The following AGAP1 variants were observed in gnomAD, a reference collection of about 807,000 sequenced individuals.
The protein encoded by AGAP1 is arf-GAP with GTPase, ANK repeat and PH domain-containing protein 1.
AGAP1 carries 29 observed loss-of-function variants against 105.3 expected under a neutral mutation model. That is an observed-to-expected ratio of 0.28 (90% CI 0.21 to 0.38). AGAP1 has a LOEUF of 0.38. Among genes scored for constraint, AGAP1 ranks in the 10% least tolerant of loss-of-function variants. AGAP1 has a pLI of 1.00. For synonymous variants in AGAP1, 509 were observed against 485.9 expected (o/e 1.05, Z -0.63); for missense variants, 998 against 1,165.1 (o/e 0.86, Z 2.09).
rs909636951 is a variant in AGAP1, at chr2:235,788,582, G to T, written c.674-9177G>T. On this transcript the variant is annotated intron_variant, in intron 6 of 17. Coordinates refer to ENST00000304032, the MANE Select transcript of AGAP1 (RefSeq NM_001037131.3). This position sits in a 1 kb window ranked among gnomAD's most constrained non-coding sequence, Gnocchi z 6.0. ...GGGAGGGTAGGTGAGGCCGGGCAAG[G>T]AGAGGAGTGGGAGGGTCCATCGGTG... is the stretch of plus-strand genomic sequence containing the variant. Among the ~76,000 whole-genome samples the T allele has an allele frequency of 6.6e-6, 1 of 152,026 alleles. No individual in the cohort carries two copies. Among genetic ancestry groups the T allele is most frequent in the Non-Finnish European group, 1.5e-5 (1 of 68,002 alleles).
rs868240503 is a variant in AGAP1 at position 235,686,627 on chromosome 2, A to C, written c.164-22552A>C. On this transcript the variant is annotated intron_variant, in intron 1 of 17. Transcript: ENST00000304032. ...TATATACGTGGAGATATAGATATAT[A>C]TATATATATATATATATAGATATAT... Among the ~76,000 whole-genome samples the C allele has an allele frequency of 1.3e-4, 5 of 38,146 alleles. 1 individual carries two copies. The East Asian group carries it at 3.1e-3, about 24-fold the overall frequency. 25.0% of individuals were successfully genotyped at this position (38,146 alleles called of 152,430 possible).
intron 16 of AGAP1, among the ~76,000 whole-genome samples, chr2:236,110,040 G>A (rs369418483): frequency 6.6e-6 from 1 of 152,234 alleles, no homozygotes; most frequent in Non-Finnish European, 1.5e-5. Flanking sequence ...TCAGATCCCT[G>A]AGCAAGAGGT....
At chr2:236,004,341 C>T (rs1272881372) in intron 13 of AGAP1, among the ~76,000 whole-genome samples, 1 of 152,136 alleles carries the variant, frequency 6.6e-6, no homozygotes, top group Non-Finnish European at 1.5e-5. Context: ...TTTTAGTGTG[C>T]TGATTAGAAA....
At chr2:235,929,549 C>T (rs934264363) in intron 11 of AGAP1, among the ~76,000 whole-genome samples, 14 of 152,170 alleles carry the variant, frequency 9.2e-5, no homozygotes, top group African/African-American at 2.2e-4. Context: ...CCAAACGCCT[C>T]GTCGTTTGTT....
At chr2:235,581,044 G>A (rs1390569856) in intron 1 of AGAP1, among the ~76,000 whole-genome samples, 2 of 149,906 alleles carry the variant, frequency 1.3e-5, no homozygotes, top group Non-Finnish European at 2.9e-5. Flanking sequence ...TTAAGAAACA[G>A]AGACTGCTTT....
intron 7 of AGAP1, among the ~76,000 whole-genome samples, chr2:235,798,852 C>CA (rs1238634679): frequency 8.4e-6 from 1 of 119,582 alleles, no homozygotes; most frequent in African/African-American, 3.3e-5. Flanking sequence ...GCCTGGGTGA[C>CA]AGAGTGAGAC....
chr2:235,646,812 G>C (rs569334617), intron 1 of AGAP1, among the ~76,000 whole-genome samples: 2 of 152,174 alleles, frequency 1.3e-5, no homozygotes, highest in Non-Finnish European at 2.9e-5. Flanking sequence ...GAGGGGCCGG[G>C]CTCCAAGCAA....
In AGAP1 at chr2:235,535,529, T is replaced by C. The variant is rs1321158623; in HGVS notation, c.163+40680T>C. On this transcript the variant is annotated intron_variant, in intron 1 of 17. Transcript: ENST00000304032. This position sits in a 1 kb window ranked among gnomAD's most constrained non-coding sequence, Gnocchi z 5.1. ...AAAACATGAAATGAAATCCGTGTCC[T>C]CTTTATCCTCCCCTCTCTCTGTTCT... 6.6e-6 allele frequency among the ~76,000 whole-genome samples: 1 copy of C among 150,696 alleles called. No homozygotes were observed. The highest frequency in any genetic ancestry group is 1.5e-5 in the Non-Finnish European group (1 of 67,842).
At chr2:236,026,998 G>A (rs764829269) in intron 13 of AGAP1, among the ~76,000 whole-genome samples, 160 of 152,306 alleles carry the variant, frequency 1.1e-3, no homozygotes, top group Non-Finnish European at 1.9e-3. Flanking sequence ...AAAAATGGCT[G>A]TAAAGTCCTG....
Position 235,656,096 on chromosome 2 carries a change from GC to G in AGAP1, c.164-53078del, listed in dbSNP as rs565113844. ...GTTCTCCTTCACCAGGAAGACTGCAGCCCCCATTCTGATTGGCCTCAGGGGG... is the reference window on the plus strand; with the variant it reads ...GTTCTCCTTCACCAGGAAGACTGCAGCCCCATTCTGATTGGCCTCAGGGGG... On this transcript the variant is annotated intron_variant, in intron 1 of 17. Transcript: ENST00000304032. Among the ~76,000 whole-genome samples the G allele has an allele frequency of 3.3e-3, 508 of 152,340 alleles. 3 individuals are homozygous for G. Among genetic ancestry groups the G allele is most frequent in the Non-Finnish European group, 5.9e-3 (400 of 68,032 alleles).
intron 1 of AGAP1, among the ~76,000 whole-genome samples, chr2:235,649,326 C>G (rs1947501770): frequency 6.6e-6 from 1 of 152,174 alleles, no homozygotes; most frequent in Non-Finnish European, 1.5e-5. Context: ...CAAGAGATTT[C>G]AATTCCGTGG....
At chr2:235,613,005 A>T (rs937283791) in intron 1 of AGAP1, among the ~76,000 whole-genome samples, 4 of 151,610 alleles carry the variant, frequency 2.6e-5, no homozygotes, top group Admixed American at 1.3e-4. Flanking sequence ...TTGTAACAAG[A>T]GAATTTTGCA....
In AGAP1 at chr2:235,583,519, T is replaced by C. The variant is rs185853387; in HGVS notation, c.163+88670T>C. On this transcript the variant is annotated intron_variant, in intron 1 of 17. Coordinates refer to ENST00000304032, the MANE Select transcript of AGAP1 (RefSeq NM_001037131.3). ...CCTCATACTCAGCCTCTCGTGTAAC[T>C]GGGACCACAAGCATGCACCACCATA... Among the ~76,000 whole-genome samples the C allele has an allele frequency of 7.0e-3, 1,065 of 151,550 alleles. 5 individuals carry two copies. The highest frequency in any genetic ancestry group is 0.012 in the Non-Finnish European group (799 of 67,978).
Position 235,704,962 on chromosome 2 carries a change from CTTTTTTCTTTTTTT to C in AGAP1, c.164-4210_164-4197del, listed in dbSNP as rs1950455187. ...AACGTCGATTGTAAAATACAAGATG[CTTTTTTCTTTTTTT>C]TTTTTTTTTTTTTTTTTTTTGCGAC... On this transcript the variant is annotated intron_variant, in intron 1 of 17. Coordinates refer to ENST00000304032, the MANE Select transcript of AGAP1 (RefSeq NM_001037131.3). 1.0e-4 allele frequency among the ~76,000 whole-genome samples: 9 copies of C among 86,010 alleles called. 1 individual carries two copies. Among genetic ancestry groups the C allele is most frequent in the Admixed American group, 1.3e-4 (1 of 7,764 alleles). 56.4% of individuals were successfully genotyped at this position (86,010 alleles called of 152,430 possible).
rs2059866368 is a variant in AGAP1 at position 236,120,172 on chromosome 2, T to C, written c.2115-20T>C. Reference sequence around the variant, plus strand: ...TCTCGGGCCTGATCGTGACTGCACCTGTCTGGTGGCTCTTTGCAGGGAAGA... The same window carrying C: ...TCTCGGGCCTGATCGTGACTGCACCCGTCTGGTGGCTCTTTGCAGGGAAGA... On this transcript the variant is annotated intron_variant, in intron 16 of 17. Transcript: ENST00000304032. This position sits in a 1 kb window ranked among gnomAD's most constrained non-coding sequence, Gnocchi z 6.0. 2 of 1,599,008 alleles carry C rather than the reference T, an allele frequency of 1.3e-6. No individual in the cohort carries two copies. Among genetic ancestry groups the C allele is most frequent in the Non-Finnish European group, 1.7e-6 (2 of 1,171,280 alleles).
At position 235,739,303 on chromosome 2, in the gene AGAP1, C is replaced by T. The variant is rs1477079069; in HGVS notation, c.311-1660C>T. Among the ~76,000 whole-genome samples the T allele has an allele frequency of 6.6e-6, 1 of 152,236 alleles. No individual in the cohort carries two copies. Among genetic ancestry groups the T allele is most frequent in the African/African-American group, 2.4e-5 (1 of 41,460 alleles). On this transcript the variant is annotated intron_variant, in intron 3 of 17. Transcript: ENST00000304032. This position sits in a 1 kb window ranked among gnomAD's most constrained non-coding sequence, Gnocchi z 5.3. ...ACGTCCACCTGTGTCAGATGTTTCC[C>T]AGCTTGTTTCATGATGACAACAGCT...
Position 236,036,982 on chromosome 2 carries a change from C to G in AGAP1, c.1800+267C>G, listed in dbSNP as rs1454150943. 6.6e-6 allele frequency among the ~76,000 whole-genome samples: 1 copy of G among 152,242 alleles called. No individual in the cohort carries two copies. Reference sequence around the variant, plus strand: ...TCTGTCAGCCAATCCCAGAGGGAATCTTTTGGACTCTTGTGGCTTCTGGGT... The same window carrying G: ...TCTGTCAGCCAATCCCAGAGGGAATGTTTTGGACTCTTGTGGCTTCTGGGT... On this transcript the variant is annotated intron_variant, in intron 14 of 17. Transcript: ENST00000304032. This position sits in a 1 kb window ranked among gnomAD's most constrained non-coding sequence, Gnocchi z 5.7.
chr2:235,741,086 C>A lies in AGAP1; in HGVS notation c.396+38C>A. 1 of 1,489,526 alleles carries A rather than the reference C, an allele frequency of 6.7e-7. No homozygotes were observed. Among genetic ancestry groups the A allele is most frequent in the Non-Finnish European group, 9.1e-7 (1 of 1,102,618 alleles). 92.3% of individuals were successfully genotyped at this position (1,489,526 alleles called of 1,614,324 possible). On this transcript the variant is annotated intron_variant, in intron 4 of 17. Coordinates refer to ENST00000304032, the MANE Select transcript of AGAP1 (RefSeq NM_001037131.3). This position sits in a 1 kb window ranked among gnomAD's most constrained non-coding sequence, Gnocchi z 4.9. ...GCATGCCCCAAGCCTGCTTTTTTTC[C>A]CTTTGTTTTCTAAGGTTTGATTCAA...
At position 235,939,749 on chromosome 2, in the gene AGAP1, C is replaced by G. The variant is rs150861774; in HGVS notation, c.1483+8826C>G. 2.0e-5 allele frequency among the ~76,000 whole-genome samples: 3 copies of G among 152,284 alleles called. No homozygotes were observed. In the East Asian group the frequency reaches 5.8e-4, roughly 30 times the overall value. ...CCACATCTTGCTTGAAACCCTCTCT[C>G]CTCTGGGCTTCTCTGAAGACACACA... On this transcript the variant is annotated intron_variant, in intron 12 of 17. Coordinates refer to ENST00000304032, the MANE Select transcript of AGAP1 (RefSeq NM_001037131.3).
Sources: allele counts gnomAD v4.1 joint callset (sites outside exome capture counted in the v4.1 genomes callset), GRCh38; gene constraint gnomAD v4.1.1; non-coding constraint Gnocchi (gnomAD v3.1); transcripts MANE v1.5; gene names NCBI Gene and HGNC (gene_info 2026-07-23, HGNC 2026-07-21).